The following ACAD11 variants were observed in gnomAD, a reference collection of about 807,000 sequenced individuals.
The protein encoded by ACAD11 is acyl-CoA dehydrogenase family member 11.
ACAD11 carries 83 observed loss-of-function variants against 102.2 expected under a neutral mutation model. The observed-to-expected ratio is 0.81, with a 90% CI of 0.68 to 0.97. ACAD11 has a LOEUF of 0.97. Ranked by LOEUF, ACAD11 falls within the 50% of genes least tolerant of loss-of-function variation. The pLI is 0.00. For synonymous variants in ACAD11, 324 were observed against 319.8 expected, an observed-to-expected ratio of 1.01 and a Z score of -0.14; for missense variants, 901 against 951.7, an observed-to-expected ratio of 0.95 and a Z score of 0.70.
chr3:132,632,657 A>G (rs1465811225), intron 5 of ACAD11, among the ~76,000 whole-genome samples: 1 of 152,126 alleles, frequency 6.6e-6, no homozygotes, highest in Non-Finnish European at 1.5e-5. Flanking sequence ...GAATCTATAA[A>G]TTACCTTGGG....
chr3:132,587,018 C>T (rs1305342786), intron 13 of ACAD11, among the ~76,000 whole-genome samples: 4 of 151,984 alleles, frequency 2.6e-5, no homozygotes, highest in Admixed American at 1.3e-4. Context: ...TGCCTGAACC[C>T]GGGAGGCAGA....
Position 132,646,926 on chromosome 3 carries a change from G to T in ACAD11, c.150-2030C>A, listed in dbSNP as rs988177139. 2.2e-4 allele frequency among the ~76,000 whole-genome samples: 33 copies of T among 152,270 alleles called. 1 individual carries two copies. Among genetic ancestry groups the T allele is most frequent in the Admixed American group, 2.2e-3 (33 of 15,302 alleles). Reference sequence around the variant, plus strand: ...AGTGACAGAAAGTAGATTAGTAGCAGCCAGGGATGGGGGAGGAAAAAATTG... The same window carrying T: ...AGTGACAGAAAGTAGATTAGTAGCATCCAGGGATGGGGGAGGAAAAAATTG... On this transcript the variant is annotated intron_variant, in intron 1 of 19. Coordinates refer to ENST00000264990, the MANE Select transcript of ACAD11 (RefSeq NM_032169.5).
chr3:132,618,610 T>C, intron 11 of ACAD11, 24 bp downstream of exon 11: 2 of 1,526,768 alleles, frequency 1.3e-6, no homozygotes, highest in Non-Finnish European at 1.7e-6. Flanking sequence ...TAGAAAAAAT[T>C]ATGTTTTCAA....
At chr3:132,575,734 C>T (rs770982535) in intron 17 of ACAD11, 38 bp downstream of exon 17, 2 of 1,610,638 alleles carry the variant, frequency 1.2e-6, no homozygotes, top group African/African-American at 1.3e-5. Flanking sequence ...GTGTAGTGCA[C>T]CGGGCTACAA....
At chr3:132,653,957 C>T (rs1338920380) in intron 1 of ACAD11, among the ~76,000 whole-genome samples, 1 of 152,156 alleles carries the variant, frequency 6.6e-6, no homozygotes, top group East Asian at 1.9e-4. Flanking sequence ...CAGATCTCTG[C>T]CCCGACCTCA....
chr3:132,572,757 T>C (rs1937418010), intron 17 of ACAD11, among the ~76,000 whole-genome samples: 1 of 152,176 alleles, frequency 6.6e-6, no homozygotes, highest in Non-Finnish European at 1.5e-5. Context: ...CATCTGATCA[T>C]TGACAAAGGT....
chr3:132,593,479 G>A (rs947406430), intron 13 of ACAD11, among the ~76,000 whole-genome samples: 8 of 152,188 alleles, frequency 5.3e-5, no homozygotes, highest in Non-Finnish European at 1.2e-4. Flanking sequence ...GGGTAGGTAA[G>A]GGGTGCTGAA....
intron 1 of ACAD11, among the ~76,000 whole-genome samples, chr3:132,653,428 A>G (rs1297071029): frequency 6.6e-6 from 1 of 152,166 alleles, no homozygotes; most frequent in Non-Finnish European, 1.5e-5. Flanking sequence ...GGACGTGCAC[A>G]TTTCTATCTA....
chr3:132,620,628 A>G (rs1939571781), intron 9 of ACAD11, among the ~76,000 whole-genome samples: 1 of 152,222 alleles, frequency 6.6e-6, no homozygotes, highest in South Asian at 2.1e-4. Flanking sequence ...AATAGATTTC[A>G]AGAATAAAGG....
chr3:132,628,857 A>T (rs17413620), intron 7 of ACAD11, among the ~76,000 whole-genome samples: 1 of 152,118 alleles, frequency 6.6e-6, no homozygotes, highest in South Asian at 2.1e-4. Context: ...AGAACATTTT[A>T]TCTCATTTTT....
Position 132,644,832 on chromosome 3 carries a change from T to G in ACAD11, c.214A>C (p.Lys72Gln). ...TTAGGAAGAAGTGAACCTGGTGGTTTTTTCCTGAGCACATATGTTTGAAAG... is the reference window on the plus strand; with the variant it reads ...TTAGGAAGAAGTGAACCTGGTGGTTGTTTCCTGAGCACATATGTTTGAAAG... ...KGFQTYVLRK[K>Q]PPGSLLPKAH... The change falls in exon 2 of 20, where the codon AAA (lysine) becomes CAA (glutamine). Residue 72 changes from lysine to glutamine, a missense_variant. By Grantham distance (53) the Lys-to-Gln change is moderately conservative. Transcript: ENST00000264990. 2 of 1,613,036 alleles carry G rather than the reference T, an allele frequency of 1.2e-6. No individual in the cohort carries two copies. The highest frequency in any genetic ancestry group is 1.7e-6 in the Non-Finnish European group (2 of 1,179,560).
At position 132,575,936 on chromosome 3, in the gene ACAD11, A is replaced by C; in HGVS notation, c.1847-10T>G. ...AATCCCCTACCTTCACCTGGGAAGA[A>C]AGGGGAAAAAAAGGGGGAATGTGAA... On this transcript the variant is annotated splice_polypyrimidine_tract_variant and intron_variant, in intron 16 of 19. Coordinates refer to ENST00000264990, the MANE Select transcript of ACAD11 (RefSeq NM_032169.5). 1 of 1,613,196 alleles carries C rather than the reference A, an allele frequency of 6.2e-7. No homozygotes were observed. Among genetic ancestry groups the C allele is most frequent in the Non-Finnish European group, 8.5e-7 (1 of 1,179,286 alleles).
chr3:132,585,786 A>G (rs1170180501), intron 13 of ACAD11, among the ~76,000 whole-genome samples: 2 of 152,262 alleles, frequency 1.3e-5, no homozygotes, highest in African/African-American at 4.8e-5. Flanking sequence ...CGAAACCACA[A>G]TGAGATACCA....
chr3:132,610,951 T>G (rs903605079), intron 11 of ACAD11, among the ~76,000 whole-genome samples: 20 of 152,152 alleles, frequency 1.3e-4, no homozygotes, highest in South Asian at 2.1e-4. Context: ...TATCCTTGAT[T>G]AACATTGATG....
intron 17 of ACAD11, among the ~76,000 whole-genome samples, chr3:132,570,641 C>T (rs1373724880): frequency 6.6e-6 from 1 of 151,970 alleles, no homozygotes; most frequent in Non-Finnish European, 1.5e-5. Context: ...AGTTATTTTT[C>T]CCGACCCTCT....
At chr3:132,633,960 G>C (rs1940161009) in intron 5 of ACAD11, among the ~76,000 whole-genome samples, 2 of 114,640 alleles carry the variant, frequency 1.7e-5, no homozygotes, top group African/African-American at 3.1e-5. Flanking sequence ...AACCCTAGAA[G>C]AAAACCTAGG....
rs762024438 is a variant in ACAD11 at position 132,659,602 on chromosome 3, C to A, written c.149+1G>T. The A allele has an allele frequency of 2.5e-6, 4 of 1,611,128 alleles. No individual in the cohort carries two copies. The highest frequency in any genetic ancestry group is 3.4e-6 in the Non-Finnish European group (4 of 1,178,886). ...CTGGAGGCAAAGGCTGACATCCATA[C>A]CTGTACTGGGCAATGGTCAGCGTAG... is the stretch of plus-strand genomic sequence containing the variant. On this transcript the variant is annotated splice_donor_variant, in intron 1 of 19. Coordinates refer to ENST00000264990, the MANE Select transcript of ACAD11 (RefSeq NM_032169.5). LOFTEE classifies it high-confidence loss of function.
At chr3:132,614,883 C>T (rs563878238) in intron 11 of ACAD11, among the ~76,000 whole-genome samples, 4 of 152,160 alleles carry the variant, frequency 2.6e-5, no homozygotes, top group Non-Finnish European at 5.9e-5. Context: ...CCAGAGTGAA[C>T]AGGCCACCTA....
intron 4 of ACAD11, among the ~76,000 whole-genome samples, chr3:132,641,698 G>GGAAGAAGAAGAAGAAGAAGAAGAA (rs199597510): frequency 1.7e-5 from 2 of 116,696 alleles, no homozygotes; most frequent in East Asian, 2.7e-4. Context: ...AAGAGGAAGA[G>GGAAGAAGAAGAAGAAGAAGAAGAA]GAAGAAGAAG....
Sources: gnomAD v4.1 joint callset for allele counts (sites outside exome capture counted in the v4.1 genomes callset) on GRCh38, gnomAD v4.1.1 for gene constraint, MANE v1.5 for transcripts, NCBI Gene and HGNC (gene_info 2026-07-23, HGNC 2026-07-21) for gene names.